CRHBP: variants seen among roughly 807,000 people sequenced by gnomAD.
CRHBP encodes the protein corticotropin-releasing hormone-binding protein.
CRHBP carries 19 observed loss-of-function variants against 34.9 expected under a neutral mutation model. That is an observed-to-expected ratio of 0.55 (90% CI 0.38 to 0.80). The LOEUF is 0.80. Among genes scored for constraint, CRHBP ranks in the 30% least tolerant of loss-of-function variants. The pLI is 0.00. For missense variants in CRHBP, 328 were observed against 409.2 expected (o/e 0.80, Z 1.71); for synonymous variants, 154 against 153.4 (o/e 1.00, Z -0.03).
At chr5:76,953,877 C>CG (rs929363768) in intron 2 of CRHBP, 152 bp from the exon 3 acceptor site, 42 of 1,174,810 alleles carry the variant, frequency 3.6e-5, no homozygotes, top group Non-Finnish European at 4.3e-5. Context: ...GTGGCGCGCC[C>CG]GGGGCGCAGG....
At chr5:76,960,065 C>T (rs1745752951) in intron 5 of CRHBP, among the ~76,000 whole-genome samples, 1 of 152,100 alleles carries the variant, frequency 6.6e-6, no homozygotes, top group South Asian at 2.1e-4. Flanking sequence ...TCACAGGGAC[C>T]CTGCATTCAA....
At chr5:76,978,067 T>G (rs895105479) in intron 3 of CRHBP, among the ~76,000 whole-genome samples, 5 of 152,052 alleles carry the variant, frequency 3.3e-5, no homozygotes, top group Admixed American at 3.3e-4. Flanking sequence ...CTGAGAGAGG[T>G]GAGGGAACCT....
rs1048896488 is a variant in CRHBP, at chr5:76,980,006, C to T, written n.468-955C>T. ...GTGGCTCACGCCTGTAATGCCAGCA[C>T]TTTGGGAGGCCGAGGCGGGCGGATC... On this transcript the variant is annotated intron_variant and non_coding_transcript_variant, in intron 3 of 3. Transcript: ENST00000514258. 1.3e-5 allele frequency among the ~76,000 whole-genome samples: 2 copies of T among 151,506 alleles called. 1 individual carries two copies. Among genetic ancestry groups the T allele is most frequent in the Admixed American group, 1.3e-4 (2 of 15,216 alleles).
intron 4 of CRHBP, among the ~76,000 whole-genome samples, chr5:76,956,596 G>A (rs1390376893): frequency 3.3e-5 from 5 of 152,138 alleles, no homozygotes; most frequent in South Asian, 2.1e-4. Context: ...TTAGCTGGGC[G>A]TGGTGGTGGG....
chr5:76,954,258 A>G, intron 3 of CRHBP, 72 bp downstream of exon 3: 1 of 1,531,064 alleles, frequency 6.5e-7, no homozygotes, highest in Non-Finnish European at 8.8e-7. Flanking sequence ...GGGGCGCTGC[A>G]CCCAGCGTGG....
chr5:76,958,791 C>A lies in CRHBP; in HGVS notation c.595C>A (p.Pro199Thr). Reference sequence around the variant, plus strand: ...AAATGGAAAGTTTACCCTGGTAGTTCCACACCAGCATCGAAACTGCAGCTT... The same window carrying A: ...AAATGGAAAGTTTACCCTGGTAGTTACACACCAGCATCGAAACTGCAGCTT... Reference protein sequence around the residue: ...TPNGKFTLVVPHQHRNCSFSI... With the variant: ...TPNGKFTLVVTHQHRNCSFSI... Residue 199 changes from proline (P) to threonine (T), a missense_variant, in exon 5 of 7, where the codon CCA becomes ACA. Transcript: ENST00000274368. The A allele has an allele frequency of 6.2e-7, 1 of 1,613,864 alleles. No homozygotes were observed. Among genetic ancestry groups the A allele is most frequent in the Non-Finnish European group, 8.5e-7 (1 of 1,179,870 alleles).
chr5:76,957,390 T>C (rs1185881174), intron 4 of CRHBP, among the ~76,000 whole-genome samples: 1 of 152,164 alleles, frequency 6.6e-6, no homozygotes, highest in African/African-American at 2.4e-5. Context: ...TAATGTATTG[T>C]AAATTTATTT....
chr5:76,962,099 G>A (rs1029598483), intron 5 of CRHBP, among the ~76,000 whole-genome samples: 5 of 151,560 alleles, frequency 3.3e-5, no homozygotes, highest in Non-Finnish European at 7.4e-5. Flanking sequence ...TGTGTGTGTG[G>A]GTGTGTGTGT....
chr5:76,975,803 C>CAAAAAA (rs1158363151), intron 2 of CRHBP, among the ~76,000 whole-genome samples: 23 of 35,216 alleles, frequency 6.5e-4, no homozygotes, highest in South Asian at 1.1e-3. Flanking sequence ...GACTCTGTCT[C>CAAAAAA]AAAAAAAAAA....
In CRHBP at chr5:76,955,804, G is replaced by A. The variant is rs139472454; in HGVS notation, c.485G>A (p.Arg162Gln). ...SSQNVAMIFF[R>Q]VHEPGNGFTL... ...CAGAATGTGGCCATGATCTTCTTCC[G>A]AGTCCATGAACCAGGAAATGGATTC... Residue 162 changes from arginine (R) to glutamine (Q), a missense_variant, in exon 4 of 7, where the codon CGA becomes CAA. Physicochemically the swap from Arg to Gln is conservative, Grantham distance 43 (BLOSUM62 1). Transcript: ENST00000274368. The A allele has an allele frequency of 8.1e-6, 13 of 1,614,158 alleles. No individual in the cohort carries two copies. Among genetic ancestry groups the A allele is most frequent in the African/African-American group, 2.7e-5 (2 of 75,018 alleles).
chr5:76,970,007 A>G (rs57766234), downstream of CRHBP, among the ~76,000 whole-genome samples: 19,701 of 132,440 alleles, frequency 0.15, 1,513 homozygotes, highest in Middle Eastern at 0.25. Context: ...GAGTACAGTA[A>G]TGTAATCTCA....
At chr5:76,964,461 T>TGAG (rs1472056250) in intron 6 of CRHBP, among the ~76,000 whole-genome samples, 1 of 152,224 alleles carries the variant, frequency 6.6e-6, no homozygotes, top group Admixed American at 6.5e-5. Flanking sequence ...GACTCTGAGT[T>TGAG]GATGATGGAC....
chr5:76,964,347 G>A (rs940055140), intron 6 of CRHBP, among the ~76,000 whole-genome samples: 2 of 152,186 alleles, frequency 1.3e-5, no homozygotes, highest in Non-Finnish European at 2.9e-5. Flanking sequence ...TCCTGTCACT[G>A]CAGATCATTA....
chr5:76,973,653 C>T (rs78182035), downstream of CRHBP, among the ~76,000 whole-genome samples: 4,667 of 152,100 alleles, frequency 0.031, 92 homozygotes, highest in Middle Eastern at 0.068. Context: ...AGTCTTTCTG[C>T]TTCTATATTT....
At chr5:76,954,279 C>G in intron 3 of CRHBP, 93 bp downstream of exon 3, 2 of 1,444,778 alleles carry the variant, frequency 1.4e-6, no homozygotes, top group Non-Finnish European at 1.9e-6. Context: ...GGCTGCTGAG[C>G]GTAGGTAGCC....
At chr5:76,968,697 G>A (rs1179558092) in intron 6 of CRHBP, 31 bp from the exon 7 acceptor site, 3 of 1,579,338 alleles carry the variant, frequency 1.9e-6, no homozygotes, top group East Asian at 2.3e-5. Context: ...CTAACCTGCT[G>A]GGAAACTTTT....
At chr5:76,953,272 C>A in intron 1 of CRHBP, 57 bp downstream of exon 1, 1 of 1,534,630 alleles carries the variant, frequency 6.5e-7, no homozygotes, top group Non-Finnish European at 9.0e-7. Context: ...CCCTAGGCGG[C>A]AGGCAGGCTG....
chr5:76,953,528 G>A (rs1745606741), intron 1 of CRHBP, 73 bp from the exon 2 acceptor site: 1 of 1,398,734 alleles, frequency 7.1e-7, no homozygotes, highest in African/African-American at 1.4e-5. Flanking sequence ...GGCAGGGAGG[G>A]TGCCCCGCTC....
chr5:76,966,095 C>T lies in CRHBP; in HGVS notation c.812-2633C>T, dbSNP rs531584912. On this transcript the variant is annotated intron_variant, in intron 6 of 6. Transcript: ENST00000274368. The stretch of plus-strand genomic sequence containing the variant: ...GTGCAATGGTGCGATCTCGGCTCAC[C>T]GCAACCTCCACCTATTGGGTTCAAG... Among the ~76,000 whole-genome samples the T allele has an allele frequency of 5.3e-4, 81 of 152,198 alleles. 1 individual carries two copies. The South Asian group carries it at 7.9e-3, about 15-fold the overall frequency.
Sources: gnomAD v4.1 joint callset for allele counts (sites outside exome capture counted in the v4.1 genomes callset) on GRCh38, gnomAD v4.1.1 for gene constraint, MANE v1.5 for transcripts, NCBI Gene and HGNC (gene_info 2026-07-23, HGNC 2026-07-21) for gene names.